Variants in TTC29 observed in about 807,000 individuals in gnomAD.
The protein encoded by TTC29 is tetratricopeptide repeat domain 29.
A neutral mutation model predicts 58.1 loss-of-function variants in TTC29; 49 were observed. The ratio of observed to expected loss-of-function variants is 0.84; its 90% CI spans 0.67 to 1.07. The LOEUF (loss-of-function observed/expected upper bound fraction) is 1.07, where lower values mean the gene tolerates loss of function less well. Ranked by LOEUF, TTC29 falls within the 50% of genes least tolerant of loss-of-function variation. The pLI is 0.00. For synonymous variants in TTC29, 209 were observed against 196.8 expected (o/e 1.06, Z -0.52); for missense variants, 582 against 555.6 (o/e 1.05, Z -0.48).
chr4:146,834,599 A>G (rs911024929), intron 8 of TTC29, among the ~76,000 whole-genome samples: 1 of 152,146 alleles, frequency 6.6e-6, no homozygotes, highest in African/African-American at 2.4e-5. Context: ...TTTTTCCTTC[A>G]TTATTACTTG....
At chr4:146,715,157 G>A (rs1192632905) in intron 11 of TTC29, among the ~76,000 whole-genome samples, 3 of 152,020 alleles carry the variant, frequency 2.0e-5, no homozygotes, top group African/African-American at 7.2e-5. Flanking sequence ...CTTATACTAT[G>A]TTTTACTGTT....
chr4:146,717,837 G>T (rs1218763497), intron 11 of TTC29, among the ~76,000 whole-genome samples: 2 of 151,978 alleles, frequency 1.3e-5, no homozygotes, highest in South Asian at 2.1e-4. Flanking sequence ...ATATCTTAAA[G>T]AAAAAACCTT....
Position 146,707,181 on chromosome 4 carries a change from C to A in TTC29, c.1405G>T (p.Gly469Cys). ...ERLEELSRFP[G>C]DQKNET ...CTTTAAGTTTCATTTTTTTGATCAC[C>A]TGGAAACCTGAAATAAAATAAATTA... The change falls in exon 13 of 13, where the codon GGT becomes TGT. Residue 469 changes from glycine to cysteine, a missense_variant. Gly to Cys is a radical substitution (Grantham distance 159). Coordinates refer to ENST00000325106, the MANE Select transcript of TTC29 (RefSeq NM_031956.4). 1 of 1,514,632 alleles carries A rather than the reference C, an allele frequency of 6.6e-7. No homozygotes were observed. The highest frequency in any genetic ancestry group is 1.7e-4 in the Middle Eastern group (1 of 5,726). 93.8% of individuals were successfully genotyped at this position (1,514,632 alleles called of 1,614,324 possible). A position where few individuals can be genotyped will look rare whatever the true frequency, so the allele number is the denominator to read the frequency against.
At chr4:146,849,620 A>C (rs909381218) in intron 8 of TTC29, among the ~76,000 whole-genome samples, 1 of 152,086 alleles carries the variant, frequency 6.6e-6, no homozygotes, top group Non-Finnish European at 1.5e-5. Flanking sequence ...GCCAATATTA[A>C]CTTAGCATTT....
At chr4:146,894,492 G>A (rs548278704) in intron 6 of TTC29, among the ~76,000 whole-genome samples, 3 of 142,742 alleles carry the variant, frequency 2.1e-5, no homozygotes, top group African/African-American at 7.8e-5. Context: ...AGAACATGTG[G>A]ACACAGGAAG....
chr4:146,838,209 G>A (rs990499374), intron 8 of TTC29, among the ~76,000 whole-genome samples: 1 of 151,818 alleles, frequency 6.6e-6, no homozygotes, highest in African/African-American at 2.4e-5. Flanking sequence ...ATTACTATGG[G>A]TCACCTAAAA....
chr4:146,909,316 TC>T (rs1733743887), intron 4 of TTC29, 67 bp from the exon 5 acceptor site: 2 of 1,218,886 alleles, frequency 1.6e-6, no homozygotes, highest in Non-Finnish European at 2.3e-6. Context: ...GTATTTTCAT[TC>T]TCTAATAATT....
At chr4:146,866,767 G>A (rs1435898697) in intron 8 of TTC29, among the ~76,000 whole-genome samples, 5 of 151,914 alleles carry the variant, frequency 3.3e-5, no homozygotes, top group African/African-American at 1.2e-4. Context: ...AATATCTAAA[G>A]GAACAAAGAA....
intron 8 of TTC29, among the ~76,000 whole-genome samples, chr4:146,849,857 G>T (rs1729408714): frequency 6.6e-6 from 1 of 152,062 alleles, no homozygotes; most frequent in African/African-American, 2.4e-5. Flanking sequence ...TCGAGTATCT[G>T]CATGGCCCAC....
chr4:146,834,332 A>G (rs1021185178), intron 8 of TTC29, among the ~76,000 whole-genome samples: 3 of 152,156 alleles, frequency 2.0e-5, no homozygotes, highest in African/African-American at 7.2e-5. Context: ...GTGCCAGGCA[A>G]TTTCTAAATC....
intron 3 of TTC29, 51 bp from the exon 4 acceptor site, chr4:146,937,728 G>A (rs1735970436): frequency 9.1e-7 from 1 of 1,093,112 alleles, no homozygotes; most frequent in South Asian, 1.5e-5. Context: ...AAGTTGAAAA[G>A]CTACCAAACA....
chr4:146,920,355 C>T (rs1209593762), intron 4 of TTC29, among the ~76,000 whole-genome samples: 1 of 150,800 alleles, frequency 6.6e-6, no homozygotes, highest in Non-Finnish European at 1.5e-5. Flanking sequence ...ATATATTTCC[C>T]TATAATACTT....
At chr4:146,911,423 C>T (rs1733890833) in intron 4 of TTC29, among the ~76,000 whole-genome samples, 1 of 152,266 alleles carries the variant, frequency 6.6e-6, no homozygotes, top group African/African-American at 2.4e-5. Flanking sequence ...GGGTTCAGGT[C>T]AGCATATTTC....
At chr4:146,774,097 A>G (rs574836900) in intron 11 of TTC29, among the ~76,000 whole-genome samples, 15 of 152,008 alleles carry the variant, frequency 9.9e-5, no homozygotes, top group African/African-American at 2.9e-4. Flanking sequence ...CTCATTTGTC[A>G]TTTCTGATTG....
chr4:146,878,323 G>A (rs967694074), intron 6 of TTC29, among the ~76,000 whole-genome samples: 10 of 152,078 alleles, frequency 6.6e-5, no homozygotes, highest in East Asian at 3.9e-4. Flanking sequence ...CCCTGAGGAC[G>A]GAGCCTGAGA....
intron 11 of TTC29, among the ~76,000 whole-genome samples, chr4:146,757,930 A>C (rs1198770674): frequency 6.6e-6 from 1 of 151,994 alleles, no homozygotes; most frequent in Non-Finnish European, 1.5e-5. Flanking sequence ...AAAACCAAAA[A>C]AAAACAAAAA....
At chr4:146,825,052 G>A (rs1442281438) in intron 9 of TTC29, among the ~76,000 whole-genome samples, 1 of 152,038 alleles carries the variant, frequency 6.6e-6, no homozygotes, top group African/African-American at 2.4e-5. Flanking sequence ...CATAAAACCA[G>A]CTCCTGGATT....
At chr4:146,873,268 A>G (rs556815193) in intron 7 of TTC29, among the ~76,000 whole-genome samples, 8 of 152,146 alleles carry the variant, frequency 5.3e-5, no homozygotes, top group Non-Finnish European at 1.2e-4. Context: ...GTCCCAGAAT[A>G]TTTACCCTCT....
chr4:146,882,004 C>T (rs1024658097), intron 6 of TTC29, among the ~76,000 whole-genome samples: 1 of 151,992 alleles, frequency 6.6e-6, no homozygotes, highest in Non-Finnish European at 1.5e-5. Flanking sequence ...GGAATGCTAC[C>T]CCACACCAGT....
Sources: gnomAD v4.1 joint callset for allele counts (sites outside exome capture counted in the v4.1 genomes callset) on GRCh38, gnomAD v4.1.1 for gene constraint, MANE v1.5 for transcripts, NCBI Gene and HGNC (gene_info 2026-07-23, HGNC 2026-07-21) for gene names.